The following MFSD2B variants were observed in gnomAD, a reference collection of about 807,000 sequenced individuals.
MFSD2B encodes the protein sphingosine-1-phosphate transporter MFSD2B.
A neutral mutation model predicts 58.4 loss-of-function variants in MFSD2B; 56 were observed. That is an observed-to-expected ratio of 0.96 (90% confidence interval 0.77 to 1.20). The LOEUF (loss-of-function observed/expected upper bound fraction) is 1.20. Among genes scored for constraint, MFSD2B ranks in the 50% most tolerant of loss-of-function variants. The pLI is 0.00. For missense variants in MFSD2B, 645 were observed against 667.6 expected (o/e 0.97, Z 0.37); for synonymous variants, 287 against 294.4 (o/e 0.97, Z 0.26).
rs2150941679 is a variant in MFSD2B, at chr2:24,021,536, G to C, written c.682-112G>C. On this transcript the variant is annotated intron_variant, in intron 6 of 13. Transcript: ENST00000338315. The surrounding 1 kb of genome is among the most constrained non-coding windows in gnomAD (Gnocchi z 5.7). Reference sequence around the variant, plus strand: ...GGTGGGGACCCAGCGTCCTGGGCTTGGGTTGTGCCTCCCTCCGCTCCCACT... The same window carrying C: ...GGTGGGGACCCAGCGTCCTGGGCTTCGGTTGTGCCTCCCTCCGCTCCCACT... 1.1e-6 allele frequency: 1 copy of C among 938,572 alleles called. No individual in the cohort carries two copies. Among genetic ancestry groups the C allele is most frequent in the East Asian group, 2.6e-5 (1 of 37,760 alleles). 58.1% of individuals were successfully genotyped at this position (938,572 alleles called of 1,614,324 possible). A position where few individuals can be genotyped will look rare whatever the true frequency, so the allele number is the denominator to read the frequency against.
rs1558322196 is a variant in MFSD2B at position 24,017,047 on chromosome 2, G to T, written c.471+79G>T. ...TGGCCACTCTGAAGTGTGCTGTGGG[G>T]GCAGGGCTGCCGCCCTCCCCACCCG... On this transcript the variant is annotated intron_variant, in intron 4 of 13. Coordinates refer to ENST00000338315, the MANE Select transcript of MFSD2B (RefSeq NM_001346880.2). The surrounding 1 kb of genome is among the most constrained non-coding windows in gnomAD (Gnocchi z 4.8). The T allele has an allele frequency of 1.9e-6, 3 of 1,569,618 alleles. No individual in the cohort carries two copies. Among genetic ancestry groups the T allele is most frequent in the Non-Finnish European group, 2.6e-6 (3 of 1,160,134 alleles).
In MFSD2B at chr2:24,012,325, C is replaced by T. The variant is rs1708988350; in HGVS notation, c.97-960C>T. On this transcript the variant is annotated intron_variant, in intron 1 of 13. Coordinates refer to ENST00000338315, the MANE Select transcript of MFSD2B (RefSeq NM_001346880.2). This position sits in a 1 kb window ranked among gnomAD's most constrained non-coding sequence, Gnocchi z 4.5. ...GCAGTGGTGTGATATTTGCTCACTG[C>T]AACCTCTGCCTCCCTGGTTCAAGCA... Among the ~76,000 whole-genome samples, 1 of 152,166 alleles carries T rather than the reference C, an allele frequency of 6.6e-6. No individual in the cohort carries two copies. The highest frequency in any genetic ancestry group is 1.5e-5 in the Non-Finnish European group (1 of 68,032).
In MFSD2B at chr2:24,018,000, A is replaced by G. The variant is rs1000287005; in HGVS notation, c.681+412A>G. The stretch of plus-strand genomic sequence containing the variant: ...CCAGCCCTGACCAGGTGAGCCCCCA[A>G]CCCGCAGCATGAAATGGTGAAATGA... On this transcript the variant is annotated intron_variant, in intron 6 of 13. Coordinates refer to ENST00000338315, the MANE Select transcript of MFSD2B (RefSeq NM_001346880.2). This position sits in a 1 kb window ranked among gnomAD's most constrained non-coding sequence, Gnocchi z 4.8. Among the ~76,000 whole-genome samples, 2 of 151,900 alleles carry G rather than the reference A, an allele frequency of 1.3e-5. No homozygotes were observed. The highest frequency in any genetic ancestry group is 1.3e-4 in the Admixed American group (2 of 15,268).
Position 24,022,466 on chromosome 2 carries a change from C to T in MFSD2B, c.928C>T (p.His310Tyr). 1 of 1,613,484 alleles carries T rather than the reference C, an allele frequency of 6.2e-7. No homozygotes were observed. Among genetic ancestry groups the T allele is most frequent in the Non-Finnish European group, 8.5e-7 (1 of 1,179,752 alleles). The change falls in exon 9 of 14, where the codon CAT becomes TAT. Residue 310 changes from histidine (H) to tyrosine (Y), a missense_variant. Physicochemically the swap from His to Tyr is moderately conservative, Grantham distance 83 (BLOSUM62 2). Transcript: ENST00000338315. This position sits in a 1 kb window ranked among gnomAD's most constrained non-coding sequence, Gnocchi z 4.5. ...GAGCTACCTGGTCCTGTTCTGTACA[C>T]ATGCCTCCCAGCTACACGACCACGT... Reference protein sequence around the residue: ...EQSYLVLFCTHASQLHDHVQG... With the variant: ...EQSYLVLFCTYASQLHDHVQG...
In MFSD2B at chr2:24,021,749, T is replaced by C. The variant is rs1274217243; in HGVS notation, c.772+11T>C. 1 of 1,613,204 alleles carries C rather than the reference T, an allele frequency of 6.2e-7. No individual in the cohort carries two copies. Among genetic ancestry groups the C allele is most frequent in the South Asian group, 1.1e-5 (1 of 90,908 alleles). Reference sequence around the variant, plus strand: ...TGAAGGAGCGGCCAGGTATGGGGTTTGGTGAGGAGGGAAGCAGAAGCTGGG... The same window carrying C: ...TGAAGGAGCGGCCAGGTATGGGGTTCGGTGAGGAGGGAAGCAGAAGCTGGG... On this transcript the variant is annotated intron_variant, in intron 7 of 13. Transcript: ENST00000338315. This position sits in a 1 kb window ranked among gnomAD's most constrained non-coding sequence, Gnocchi z 5.7.
At chr2:24,011,040 T>TG (rs940229511) in intron 1 of MFSD2B, among the ~76,000 whole-genome samples, 7 of 152,186 alleles carry the variant, frequency 4.6e-5, no homozygotes, top group African/African-American at 1.7e-4. Context: ...AGTTCCGGCG[T>TG]GGAATCCTCT....
chr2:24,022,087 C>G lies in MFSD2B; in HGVS notation c.894+117C>G. The G allele has an allele frequency of 8.1e-7, 1 of 1,230,104 alleles. No homozygotes were observed. The highest frequency in any genetic ancestry group is 1.4e-5 in the South Asian group (1 of 73,904). The allele number at this position is 1,230,104 out of a possible 1,614,324, so 76.2% of individuals were successfully genotyped here. A position where few individuals can be genotyped will look rare whatever the true frequency, so the allele number is the denominator to read the frequency against. ...GGAGAAACCTGCGGCTGGCACATGG[C>G]TCAGAGGGGCTGGTGCCGGGAGGGA... On this transcript the variant is annotated intron_variant, in intron 8 of 13. Coordinates refer to ENST00000338315, the MANE Select transcript of MFSD2B (RefSeq NM_001346880.2). This position sits in a 1 kb window ranked among gnomAD's most constrained non-coding sequence, Gnocchi z 4.5.
In MFSD2B at chr2:24,023,222, G is replaced by A. The variant is rs776565316; in HGVS notation, c.1152G>A (p.Val384=). The A allele has an allele frequency of 3.7e-6, 6 of 1,613,492 alleles. No homozygotes were observed. The South Asian group carries it at 6.6e-5, about 18-fold the overall frequency. Residue 384 remains valine (V), a synonymous_variant, in exon 11 of 14, where the codon GTG becomes GTA. Coordinates refer to ENST00000338315, the MANE Select transcript of MFSD2B (RefSeq NM_001346880.2). The surrounding 1 kb of genome is among the most constrained non-coding windows in gnomAD (Gnocchi z 5.0). ...TTGTATCTGGCGTGAGCATTGCTGT[G>A]TCCTTGCTGCTACCCTGGTAGGCTG... ...VAFVSGVSIA[V]SLLLPWSMLP... is the part of the protein sequence containing the mutation.
Position 24,012,710 on chromosome 2 carries a change from C to A in MFSD2B, c.97-575C>A, listed in dbSNP as rs746750797. ...CTGAGGGGACCAGCGGTGCCATTTG[C>A]TAGGAGCTGGATTAGACAATGGAAT... On this transcript the variant is annotated intron_variant, in intron 1 of 13. Transcript: ENST00000338315. The surrounding 1 kb of genome is among the most constrained non-coding windows in gnomAD (Gnocchi z 4.5). Among the ~76,000 whole-genome samples the A allele has an allele frequency of 1.3e-5, 2 of 152,162 alleles. No homozygotes were observed. Among genetic ancestry groups the A allele is most frequent in the Non-Finnish European group, 2.9e-5 (2 of 68,018 alleles).
Position 24,023,184 on chromosome 2 carries a change from T to C in MFSD2B, c.1114T>C (p.Tyr372His). Residue 372 changes from tyrosine to histidine, a missense_variant, in exon 11 of 14, where the codon TAT becomes CAT. By Grantham distance (83) the Tyr-to-His change is moderately conservative. Coordinates refer to ENST00000338315, the MANE Select transcript of MFSD2B (RefSeq NM_001346880.2). The surrounding 1 kb of genome is among the most constrained non-coding windows in gnomAD (Gnocchi z 5.0). ...TGCTGTGCCCACAGCACCTGTGGCA[T>C]ATGTCGTGGCCTTTGTATCTGGCGT... ...LAAVPTAPVA[Y>H]VVAFVSGVSI... 6.2e-7 allele frequency: 1 copy of C among 1,613,664 alleles called. No homozygotes were observed. The highest frequency in any genetic ancestry group is 8.5e-7 in the Non-Finnish European group (1 of 1,179,830).
intron 1 of MFSD2B, among the ~76,000 whole-genome samples, chr2:24,010,604 C>T (rs901542849): frequency 3.3e-5 from 5 of 152,338 alleles, no homozygotes; most frequent in Non-Finnish European, 7.3e-5. Flanking sequence ...ACCCTGGCCT[C>T]GCCCAGGCAC....
chr2:24,025,467 G>T lies in MFSD2B; in HGVS notation c.*11G>T. ...TACAGCCTGGCCTAAAGCTTAGGAG[G>T]GCGACTGTGAATGGACACAGGAGCC... is the stretch of plus-strand genomic sequence containing the variant. On this transcript the variant is annotated 3_prime_UTR_variant, in exon 14 of 14. Transcript: ENST00000338315. The T allele has an allele frequency of 6.5e-7, 1 of 1,535,976 alleles. No individual in the cohort carries two copies. The highest frequency in any genetic ancestry group is 1.2e-5 in the South Asian group (1 of 84,052).
At position 24,022,038 on chromosome 2, in the gene MFSD2B, G is replaced by A. The variant is rs939504429; in HGVS notation, c.894+68G>A. 3.1e-6 allele frequency: 5 copies of A among 1,595,508 alleles called. No individual in the cohort carries two copies. The highest frequency in any genetic ancestry group is 4.5e-5 in the East Asian group (2 of 44,772). ...TGCTGACCTTGCATAGGTTCAGGGT[G>A]CAGTCTTGGCTTGAGTTTTATAGGG... On this transcript the variant is annotated intron_variant, in intron 8 of 13. Transcript: ENST00000338315. The surrounding 1 kb of genome is among the most constrained non-coding windows in gnomAD (Gnocchi z 4.5).
In MFSD2B at chr2:24,012,168, ACACACAC is replaced by A. The variant is rs1274973873; in HGVS notation, c.97-1116_97-1110del. On this transcript the variant is annotated intron_variant, in intron 1 of 13. Coordinates refer to ENST00000338315, the MANE Select transcript of MFSD2B (RefSeq NM_001346880.2). This position sits in a 1 kb window ranked among gnomAD's most constrained non-coding sequence, Gnocchi z 4.5. ...ACAAACAAAACACACACACACACACACACACACACACAAAAACAGACAAAAAAACCCT... is the reference window on the plus strand; with the variant it reads ...ACAAACAAAACACACACACACACACAACACAAAAACAGACAAAAAAACCCT... Among the ~76,000 whole-genome samples the A allele has an allele frequency of 1.4e-5, 1 of 71,314 alleles. No homozygotes were observed. The highest frequency in any genetic ancestry group is 3.3e-5 in the Non-Finnish European group (1 of 30,524). 46.8% of individuals were successfully genotyped at this position (71,314 alleles called of 152,430 possible). A position where few individuals can be genotyped will look rare whatever the true frequency, so the allele number is the denominator to read the frequency against.
rs1662845073 is a variant in MFSD2B at position 24,022,834 on chromosome 2, C to T, written c.991C>T (p.Leu331=). 6.2e-7 allele frequency: 1 copy of T among 1,602,888 alleles called. No homozygotes were observed. The highest frequency in any genetic ancestry group is 2.2e-5 in the East Asian group (1 of 44,814). Residue 331 remains leucine, a synonymous_variant, in exon 10 of 14, where the codon CTG becomes TTG. Transcript: ENST00000338315. This position sits in a 1 kb window ranked among gnomAD's most constrained non-coding sequence, Gnocchi z 4.5. ...LVLTVLVSAV[L]STPLWEWVLQ... ...TGTCTGCTCACAGGTCTCAGCCGTGCTGAGCACCCCGCTGTGGGAGTGGGT... is the reference window on the plus strand; with the variant it reads ...TGTCTGCTCACAGGTCTCAGCCGTGTTGAGCACCCCGCTGTGGGAGTGGGT...
Position 24,024,914 on chromosome 2 carries a change from C to A in MFSD2B, c.1491-518C>A, listed in dbSNP as rs1287603945. ...CGGGGAGGATCTACTCACTGTCTGA[C>A]CTTCCGGGGAGGCTATGGGAACCTT... is the stretch of plus-strand genomic sequence containing the variant. On this transcript the variant is annotated intron_variant, in intron 13 of 13. Transcript: ENST00000338315. This position sits in a 1 kb window ranked among gnomAD's most constrained non-coding sequence, Gnocchi z 4.3. 6.6e-6 allele frequency among the ~76,000 whole-genome samples: 1 copy of A among 152,120 alleles called. No individual in the cohort carries two copies. Among genetic ancestry groups the A allele is most frequent in the Admixed American group, 6.6e-5 (1 of 15,262 alleles).
At position 24,024,243 on chromosome 2, in the gene MFSD2B, G is replaced by A. The variant is rs1241276863; in HGVS notation, c.1462G>A (p.Asp488Asn). Residue 488 changes from aspartate to asparagine, a missense_variant, in exon 13 of 14, where the codon GAC (aspartate) becomes AAC (asparagine). Transcript: ENST00000338315. This position sits in a 1 kb window ranked among gnomAD's most constrained non-coding sequence, Gnocchi z 4.3. ...VGSTPKTPSR[D>N]ASSRLSLRRR... ...CTCCACTCCAAAGACACCCAGTCGG[G>A]ACGCCTCCAGCCGGCTGAGCCTTCG... 2 of 1,610,498 alleles carry A rather than the reference G, an allele frequency of 1.2e-6. No homozygotes were observed. Among genetic ancestry groups the A allele is most frequent in the Middle Eastern group, 1.6e-4 (1 of 6,078 alleles).
rs1169308973 is a variant in MFSD2B at position 24,016,880 on chromosome 2, ACTT to A, written c.388_390del (p.Phe130del). 1.2e-6 allele frequency: 2 copies of A among 1,613,676 alleles called. No homozygotes were observed. The highest frequency in any genetic ancestry group is 1.7e-6 in the Non-Finnish European group (2 of 1,179,818). ...TGCACCCCCTTCATCGCCCTGGCCT[ACTT>A]CTTCCTGTGGTTCCTGCCCCCCTTC... is the stretch of plus-strand genomic sequence containing the variant. On this transcript the variant is annotated inframe_deletion, in exon 4 of 14. Transcript: ENST00000338315.
Position 24,010,104 on chromosome 2 carries a change from C to T in MFSD2B, c.8C>T (p.Ala3Val). 1.4e-6 allele frequency: 2 copies of T among 1,434,784 alleles called. No homozygotes were observed. The highest frequency in any genetic ancestry group is 2.8e-5 in the Admixed American group (1 of 36,288). 88.9% of individuals were successfully genotyped at this position (1,434,784 alleles called of 1,614,324 possible). A position where few individuals can be genotyped will look rare whatever the true frequency, so the allele number is the denominator to read the frequency against. MAAPPAPAAKGSP... is the reference protein window; with the variant it reads MAVPPAPAAKGSP... ...GGCGGCGCTGCGGTGGCAATGGCGGCGCCCCCTGCACCAGCCGCCAAGGGG... is the reference window on the plus strand; with the variant it reads ...GGCGGCGCTGCGGTGGCAATGGCGGTGCCCCCTGCACCAGCCGCCAAGGGG... Residue 3 changes from alanine (A) to valine (V), a missense_variant, in exon 1 of 14, where the codon GCG (alanine) becomes GTG (valine). Physicochemically the swap from Ala to Val is moderately conservative, Grantham distance 64 (BLOSUM62 0). Transcript: ENST00000338315.
Sources: allele counts gnomAD v4.1 joint callset (sites outside exome capture counted in the v4.1 genomes callset), GRCh38; gene constraint gnomAD v4.1.1; non-coding constraint Gnocchi (gnomAD v3.1); transcripts MANE v1.5; gene names NCBI Gene and HGNC (gene_info 2026-07-23, HGNC 2026-07-21).